The following TMEM51 variants were observed in gnomAD, a reference collection of about 807,000 sequenced individuals.
TMEM51 encodes chromosome 1 open reading frame 72.
Under a neutral mutation model 13.6 loss-of-function variants are expected in TMEM51, and 8 were observed. The observed-to-expected ratio is 0.59, with a 90% CI of 0.35 to 1.07. TMEM51 has a LOEUF of 1.07. Among genes scored for constraint, TMEM51 ranks in the 50% least tolerant of loss-of-function variants. TMEM51 has a pLI of 0.02. For synonymous variants in TMEM51, 147 were observed against 144.4 expected, an observed-to-expected ratio of 1.02 and a Z score of -0.13; for missense variants, 279 against 330.7, an observed-to-expected ratio of 0.84 and a Z score of 1.21.
At chr1:15,179,080 T>G (rs1000544911) in intron 1 of TMEM51, among the ~76,000 whole-genome samples, 1 of 152,258 alleles carries the variant, frequency 6.6e-6, no homozygotes, top group African/African-American at 2.4e-5. Context: ...TCTTGTAACC[T>G]CCAGGGGCTT....
At chr1:15,197,425 G>A (rs1644071179) in intron 1 of TMEM51, among the ~76,000 whole-genome samples, 1 of 152,152 alleles carries the variant, frequency 6.6e-6, no homozygotes, top group Non-Finnish European at 1.5e-5. Flanking sequence ...GCCCCTCCCT[G>A]TTGGACACCT....
rs192979214 is a variant in TMEM51, at chr1:15,176,956, C to T, written c.-267+23002C>T. Among the ~76,000 whole-genome samples, 699 of 152,234 alleles carry T rather than the reference C, an allele frequency of 4.6e-3. 3 individuals carry two copies. The highest frequency in any genetic ancestry group is 8.3e-3 in the Non-Finnish European group (566 of 68,018). On this transcript the variant is annotated intron_variant, in intron 1 of 3. Coordinates refer to ENST00000376008, the MANE Select transcript of TMEM51 (RefSeq NM_001136218.2). ...AAAGGACTCTGACAAAAAGAAGCAACGTATTTGGGAGCCAACTGAACATGG... is the reference window on the plus strand; with the variant it reads ...AAAGGACTCTGACAAAAAGAAGCAATGTATTTGGGAGCCAACTGAACATGG...
At chr1:15,156,135 C>T (rs1352231033) in intron 1 of TMEM51, among the ~76,000 whole-genome samples, 1 of 152,126 alleles carries the variant, frequency 6.6e-6, no homozygotes, top group Non-Finnish European at 1.5e-5. Flanking sequence ...CCAGCCTGGT[C>T]CCCTGCCAGA....
chr1:15,203,416 G>A (rs1459582157), intron 1 of TMEM51, among the ~76,000 whole-genome samples: 3 of 148,070 alleles, frequency 2.0e-5, no homozygotes, highest in Admixed American at 6.7e-5. Context: ...CACCCCTCCC[G>A]GCTAATTTTT....
chr1:15,204,674 C>T (rs1255830938), intron 1 of TMEM51, among the ~76,000 whole-genome samples: 1 of 152,192 alleles, frequency 6.6e-6, no homozygotes, highest in Non-Finnish European at 1.5e-5. Flanking sequence ...AGACTTTGGG[C>T]AAGTTTCTCC....
chr1:15,196,361 A>G (rs997439674), intron 1 of TMEM51, among the ~76,000 whole-genome samples: 6 of 151,312 alleles, frequency 4.0e-5, no homozygotes, highest in African/African-American at 7.3e-5. Context: ...GGCCGTGGCA[A>G]TCACTACAAA....
At chr1:15,195,358 A>G (rs1644026780) in intron 1 of TMEM51, among the ~76,000 whole-genome samples, 1 of 152,166 alleles carries the variant, frequency 6.6e-6, no homozygotes, top group Admixed American at 6.5e-5. Flanking sequence ...TCAACACGTA[A>G]TTAATATAAA....
intron 1 of TMEM51, among the ~76,000 whole-genome samples, chr1:15,154,886 T>G (rs1434982660): frequency 6.3e-5 from 7 of 111,992 alleles, no homozygotes; most frequent in Admixed American, 1.7e-4. Flanking sequence ...GCTGCCGGAG[T>G]GGGGTGGGCG....
At chr1:15,160,338 A>T (rs887453361) in intron 1 of TMEM51, among the ~76,000 whole-genome samples, 1 of 152,120 alleles carries the variant, frequency 6.6e-6, no homozygotes, top group Non-Finnish European at 1.5e-5. Flanking sequence ...CAGTGGTGCA[A>T]TCTTGGCTCA....
chr1:15,164,425 G>A (rs978534166), intron 1 of TMEM51: 13 of 455,908 alleles, frequency 2.9e-5, no homozygotes, highest in African/African-American at 1.0e-4. Context: ...ATGTCTTCTC[G>A]TGACTGGACT....
intron 1 of TMEM51, among the ~76,000 whole-genome samples, chr1:15,199,115 CT>C (rs933937595): frequency 2.7e-5 from 4 of 148,466 alleles, no homozygotes; most frequent in African/African-American, 9.9e-5. Context: ...TCGATTGTGT[CT>C]TTTTTTAGTT....
chr1:15,197,522 T>C (rs1256057506), intron 1 of TMEM51, among the ~76,000 whole-genome samples: 1 of 152,142 alleles, frequency 6.6e-6, no homozygotes, highest in Non-Finnish European at 1.5e-5. Flanking sequence ...ACCCAGGCCA[T>C]CTTCTTACCC....
intron 1 of TMEM51, among the ~76,000 whole-genome samples, chr1:15,196,507 T>C (rs1371711739): frequency 6.6e-6 from 1 of 152,160 alleles, no homozygotes; most frequent in Non-Finnish European, 1.5e-5. Context: ...CTTTGTTTTC[T>C]AGAGACATGG....
intron 1 of TMEM51, among the ~76,000 whole-genome samples, chr1:15,190,976 A>T (rs1219688689): frequency 1.3e-5 from 2 of 152,104 alleles, no homozygotes; most frequent in Non-Finnish European, 2.9e-5. Context: ...TTTAGTAGAG[A>T]TGGGGTTTCA....
At chr1:15,201,178 G>T (rs1644149381) in intron 1 of TMEM51, among the ~76,000 whole-genome samples, 1 of 152,166 alleles carries the variant, frequency 6.6e-6, no homozygotes, top group Non-Finnish European at 1.5e-5. Flanking sequence ...CTAACTACAG[G>T]CTCCTCTTCT....
intron 1 of TMEM51, among the ~76,000 whole-genome samples, chr1:15,167,341 A>C (rs1186468160): frequency 6.8e-6 from 1 of 146,208 alleles, no homozygotes; most frequent in East Asian, 1.9e-4. Flanking sequence ...AAAAAAAAAA[A>C]AAAAAAAAAA....
At chr1:15,186,319 G>T (rs1193800103) in intron 1 of TMEM51, among the ~76,000 whole-genome samples, 1 of 152,224 alleles carries the variant, frequency 6.6e-6, no homozygotes. Flanking sequence ...TGGGTGAATT[G>T]GATGGACAGG....
chr1:15,196,397 T>C (rs1003343958), intron 1 of TMEM51, among the ~76,000 whole-genome samples: 1 of 2,754 alleles, frequency 3.6e-4, no homozygotes, highest in Non-Finnish European at 7.0e-4. Context: ...TGTGTGCATG[T>C]GTGTGTGTGT....
At chr1:15,176,288 G>A (rs1230651020) in intron 1 of TMEM51, among the ~76,000 whole-genome samples, 1 of 152,214 alleles carries the variant, frequency 6.6e-6, no homozygotes, top group Non-Finnish European at 1.5e-5. Flanking sequence ...CCCAGAGGCG[G>A]CAGTGAGAAC....
Sources: allele counts gnomAD v4.1 joint callset (sites outside exome capture counted in the v4.1 genomes callset), GRCh38; gene constraint gnomAD v4.1.1; transcripts MANE v1.5; gene names NCBI Gene and HGNC (gene_info 2026-07-23, HGNC 2026-07-21).